Variants in FKBP8 observed in about 807,000 individuals in gnomAD.
FKBP8 encodes FKBP prolyl isomerase 8.
A neutral mutation model predicts 41.7 loss-of-function variants in FKBP8; 5 were observed. The observed-to-expected ratio is 0.12, with a 90% confidence interval of 0.06 to 0.25. FKBP8 has a LOEUF of 0.25. FKBP8 is among the 10% of genes least tolerant of loss of function. The pLI, the probability that FKBP8 is intolerant of heterozygous loss-of-function variation, is 1.00. For missense variants in FKBP8, 397 were observed against 563.0 expected (o/e 0.71, Z 2.98); for synonymous variants, 279 against 254.5 (o/e 1.10, Z -0.92).
intron 8 of FKBP8, 49 bp downstream of exon 8, chr19:18,532,615 C>G: frequency 2.5e-6 from 4 of 1,598,254 alleles, no homozygotes; most frequent in Non-Finnish European, 3.4e-6. Context: ...AATCCCTCTG[C>G]TAGGCGTGCC....
chr19:18,539,770 C>T (rs376341358), intron 2 of FKBP8, 50 bp from the exon 3 acceptor site: 7 of 1,589,768 alleles, frequency 4.4e-6, no homozygotes, highest in Non-Finnish European at 6.0e-6. Context: ...CTCAAACAGG[C>T]ACCCGCTCCC....
intron 1 of FKBP8, chr19:18,542,960 G>T: frequency 4.4e-6 from 4 of 910,410 alleles, no homozygotes; most frequent in Non-Finnish European, 5.4e-6. Flanking sequence ...AATTCCCCGC[G>T]CCCGCACAAT....
Position 18,534,889 on chromosome 19 carries a change from G to A in FKBP8, c.946-1542C>T, listed in dbSNP as rs559314882. Among the ~76,000 whole-genome samples, 126 of 151,720 alleles carry A rather than the reference G, an allele frequency of 8.3e-4. 1 individual carries two copies. The highest frequency in any genetic ancestry group is 4.9e-4 in the Non-Finnish European group (33 of 67,982). Reference sequence around the variant, plus strand: ...TGCAAGCTCTGCCTCCCGGGTTCACGCCATTCTCCTGCCTCAGCCTCCCGA... The same window carrying A: ...TGCAAGCTCTGCCTCCCGGGTTCACACCATTCTCCTGCCTCAGCCTCCCGA... On this transcript the variant is annotated intron_variant, in intron 6 of 8. Transcript: ENST00000608443.
Position 18,531,829 on chromosome 19 carries a change from T to TATCATTAAAAAAA in FKBP8, c.*339_*340insTTTTTTTAATGAT. ...CCTGGACAGGGGGCGGCAGGCGGGG[T>TATCATTAAAAAAA]GGGGGGCTGGCACTCAGGCGGGGAC... On this transcript the variant is annotated 3_prime_UTR_variant, in exon 9 of 9. Coordinates refer to ENST00000608443, the MANE Select transcript of FKBP8 (RefSeq NM_012181.5). The TATCATTAAAAAAA allele has an allele frequency of 7.5e-6, 1 of 133,704 alleles. No individual in the cohort carries two copies. Among genetic ancestry groups the TATCATTAAAAAAA allele is most frequent in the Admixed American group, 1.2e-4 (1 of 8,184 alleles). The allele number at this position is 133,704 out of a possible 1,614,324, so 8.3% of individuals were successfully genotyped here.
At chr19:18,540,991 T>C (rs8106688) in intron 2 of FKBP8, among the ~76,000 whole-genome samples, 26,917 of 151,998 alleles carry the variant, frequency 0.18, 7,514 homozygotes, top group African/African-American at 0.6. Flanking sequence ...TTATTACAAT[T>C]GATAGTGGTA....
intron 6 of FKBP8, among the ~76,000 whole-genome samples, chr19:18,536,569 C>T (rs576801018): frequency 1.6e-4 from 24 of 152,246 alleles, no homozygotes; most frequent in African/African-American, 5.1e-4. Context: ...TGCCTGGGCT[C>T]GTCGCAAATG....
Position 18,541,774 on chromosome 19 carries a change from G to A in FKBP8, c.197C>T (p.Ala66Val). The change falls in exon 2 of 9, where the codon GCT (alanine) becomes GTT (valine). Residue 66 changes from alanine to valine, a missense_variant. Physicochemically the swap from Ala to Val is moderately conservative, Grantham distance 64. This residue lies in a region of FKBP8 where 172 missense variants were observed against 196.2 expected (regional missense o/e 0.88). Transcript: ENST00000608443. ...EDMGQPPAEE[A>V]EQPGALAREF... ...TCGGGCCAGGGCCCCAGGCTGCTCA[G>A]CCTCCTCCGCCGGGGGTTGTCCCAT... 1 of 1,613,980 alleles carries A rather than the reference G, an allele frequency of 6.2e-7. No homozygotes were observed. The highest frequency in any genetic ancestry group is 8.5e-7 in the Non-Finnish European group (1 of 1,179,972).
At chr19:18,536,691 A>G (rs916126141) in intron 6 of FKBP8, among the ~76,000 whole-genome samples, 2 of 152,100 alleles carry the variant, frequency 1.3e-5, no homozygotes, top group Non-Finnish European at 2.9e-5. Flanking sequence ...AGCACCTACT[A>G]TGTACCTGGC....
Position 18,538,430 on chromosome 19 carries a change from G to T in FKBP8, c.558C>A (p.Ser186Arg). ...KYCYGPQGSRSPYIPPHAALC... is the reference protein window; with the variant it reads ...KYCYGPQGSRRPYIPPHAALC... ...GGGCCGCGTGCGGGGGGATGTATGG[G>T]CTCCTGCTAGTTGGGTGGGAGCAGG... is the stretch of plus-strand genomic sequence containing the variant. The change falls in exon 5 of 9, where the codon AGC becomes AGA. Residue 186 changes from serine (S) to arginine (R), a missense_variant. Physicochemically the swap from Ser to Arg is moderately radical, Grantham distance 110 (BLOSUM62 -1). This residue lies in a region of FKBP8 where 225 missense variants were observed against 366.8 expected (regional missense o/e 0.61). Coordinates refer to ENST00000608443, the MANE Select transcript of FKBP8 (RefSeq NM_012181.5). The surrounding 1 kb of genome is among the most constrained non-coding windows in gnomAD (Gnocchi z 4.0). 6.2e-7 allele frequency: 1 copy of T among 1,611,348 alleles called. No individual in the cohort carries two copies. Among genetic ancestry groups the T allele is most frequent in the Non-Finnish European group, 8.5e-7 (1 of 1,179,720 alleles).
intron 6 of FKBP8, chr19:18,535,976 C>T (rs1976565900): frequency 6.6e-6 from 1 of 152,002 alleles, no homozygotes; most frequent in African/African-American, 2.4e-5. Context: ...TTTCTATCAC[C>T]TTCAACCAGC....
At chr19:18,532,997 T>C (rs1017651840) in intron 7 of FKBP8, 2 of 868,732 alleles carry the variant, frequency 2.3e-6, no homozygotes, top group Non-Finnish European at 3.4e-6. Context: ...GAGCACAAGG[T>C]AGCCAGGAGA....
At chr19:18,536,025 C>A (rs936089469) in intron 6 of FKBP8, 6 of 152,042 alleles carry the variant, frequency 3.9e-5, no homozygotes, top group African/African-American at 1.4e-4. Flanking sequence ...GCAGCCACTC[C>A]TGCTGCCCCC....
At chr19:18,532,486 C>G in intron 8 of FKBP8, 178 bp downstream of exon 8, 6 of 1,068,788 alleles carry the variant, frequency 5.6e-6, no homozygotes, top group Non-Finnish European at 8.0e-6. Context: ...ACCCCCAGCC[C>G]TCCAGCTTGA....
chr19:18,535,736 AAAAG>A (rs962008337), intron 6 of FKBP8, among the ~76,000 whole-genome samples: 3 of 151,020 alleles, frequency 2.0e-5, no homozygotes, highest in African/African-American at 7.3e-5. Context: ...AAAAAAAAAA[AAAAG>A]GAGGGGGTAG....
In FKBP8 at chr19:18,538,968, C is replaced by T. The variant is rs1415646533; in HGVS notation, c.551+403G>A. Among the ~76,000 whole-genome samples the T allele has an allele frequency of 6.6e-6, 1 of 152,060 alleles. No individual in the cohort carries two copies. The highest frequency in any genetic ancestry group is 1.5e-5 in the Non-Finnish European group (1 of 68,018). On this transcript the variant is annotated intron_variant, in intron 4 of 8. Coordinates refer to ENST00000608443, the MANE Select transcript of FKBP8 (RefSeq NM_012181.5). The surrounding 1 kb of genome is among the most constrained non-coding windows in gnomAD (Gnocchi z 4.0). ...TAGCTGGGACTACAGGCACCCACCA[C>T]CACGCCTGGCTAATTTTTTGTATTT...
rs762866617 is a variant in FKBP8 at position 18,541,651 on chromosome 19, G to T, written c.292+28C>A. ...AGGGGACGAGAGGGCCAGGGCCAAG[G>T]GCACCCTGATCCACCTTTGCTCCTT... On this transcript the variant is annotated intron_variant, in intron 2 of 8. Transcript: ENST00000608443. 12 of 1,574,932 alleles carry T rather than the reference G, an allele frequency of 7.6e-6. No homozygotes were observed. The African/African-American group carries it at 1.6e-4, about 21-fold the overall frequency.
chr19:18,535,962 T>A (rs1421029331), intron 6 of FKBP8: 2 of 151,800 alleles, frequency 1.3e-5, no homozygotes, highest in African/African-American at 4.8e-5. Flanking sequence ...CCTGTTTGAG[T>A]GGGTTTCTAT....
chr19:18,532,600 A>T (rs2145182456), intron 8 of FKBP8, 64 bp downstream of exon 8: 1 of 1,584,972 alleles, frequency 6.3e-7, no homozygotes, highest in East Asian at 2.2e-5. Context: ...ATGTATGCAA[A>T]ATAAAATCCC....
chr19:18,542,067 C>A, intron 1 of FKBP8, 72 bp from the exon 2 acceptor site: 1 of 1,509,498 alleles, frequency 6.6e-7, no homozygotes, highest in East Asian at 2.3e-5. Flanking sequence ...TACTGATTCC[C>A]CACACTGCCG....
Sources: allele counts gnomAD v4.1 joint callset (sites outside exome capture counted in the v4.1 genomes callset), GRCh38; gene constraint gnomAD v4.1.1; regional missense constraint gnomAD v4.1.1; non-coding constraint Gnocchi (gnomAD v3.1); transcripts MANE v1.5; gene names NCBI Gene and HGNC (gene_info 2026-07-23, HGNC 2026-07-21).